TBC1D15: variants seen among roughly 807,000 people sequenced by gnomAD.
TBC1D15 encodes TBC1 domain family member 15, also known as GAP for RAB7.
In TBC1D15, 39 loss-of-function variants were observed where a neutral mutation model predicts 95.4. That is an observed-to-expected ratio of 0.41 (90% confidence interval 0.32 to 0.53). TBC1D15 has a LOEUF of 0.53. Among genes scored for constraint, TBC1D15 ranks in the 20% least tolerant of loss-of-function variants. The pLI, the probability that TBC1D15 is intolerant of heterozygous loss-of-function variation, is 0.29. For missense variants in TBC1D15, 733 were observed against 794.3 expected, an observed-to-expected ratio of 0.92 and a Z score of 0.93; for synonymous variants, 258 against 261.3, an observed-to-expected ratio of 0.99 and a Z score of 0.12.
intron 2 of TBC1D15, 149 bp from the exon 3 acceptor site, chr12:71,872,780 A>G (rs961707085): frequency 9.6e-5 from 50 of 521,994 alleles, no homozygotes; most frequent in Admixed American, 2.9e-4. Flanking sequence ...TGAAAAATCT[A>G]TGTAACATTT....
chr12:71,875,523 T>C (rs970615163), intron 3 of TBC1D15, among the ~76,000 whole-genome samples: 1 of 148,660 alleles, frequency 6.7e-6, no homozygotes, highest in African/African-American at 2.6e-5. Context: ...TATATTTAGA[T>C]TGGTGATTTT....
chr12:71,893,351 T>TTC, intron 6 of TBC1D15, 27 bp downstream of exon 6: 1 of 1,518,086 alleles, frequency 6.6e-7, no homozygotes. Context: ...TATCCTGTAT[T>TTC]ATTCTGACTG....
intron 10 of TBC1D15, among the ~76,000 whole-genome samples, chr12:71,903,416 G>A (rs1447312955): frequency 6.6e-6 from 1 of 152,306 alleles, no homozygotes; most frequent in East Asian, 1.9e-4. Flanking sequence ...TACAGTGCTG[G>A]TGGGAAAGTA....
intron 11 of TBC1D15, among the ~76,000 whole-genome samples, chr12:71,911,522 G>A (rs1490332887): frequency 6.7e-6 from 1 of 148,616 alleles, no homozygotes; most frequent in African/African-American, 2.5e-5. Flanking sequence ...CTATCGCAAG[G>A]ACAAAAAACC....
chr12:71,900,674 A>G (rs926499399), intron 10 of TBC1D15, among the ~76,000 whole-genome samples: 2 of 152,174 alleles, frequency 1.3e-5, no homozygotes, highest in East Asian at 3.9e-4. Flanking sequence ...CTTGCCCTAA[A>G]GGAGTTTTCA....
At chr12:71,892,524 G>A (rs760971597) in intron 5 of TBC1D15, among the ~76,000 whole-genome samples, 1 of 151,940 alleles carries the variant, frequency 6.6e-6, no homozygotes, top group African/African-American at 2.4e-5. Flanking sequence ...GAAATTAGAT[G>A]TCTGTTTTGG....
At chr12:71,898,054 A>G (rs1898577146) in intron 10 of TBC1D15, 113 bp downstream of exon 10, 1 of 717,474 alleles carries the variant, frequency 1.4e-6, no homozygotes, top group Non-Finnish European at 2.4e-6. Flanking sequence ...AAGAGAAATC[A>G]GAATAGGAAA....
chr12:71,858,367 C>T (rs541589449), intron 1 of TBC1D15, among the ~76,000 whole-genome samples: 33 of 151,772 alleles, frequency 2.2e-4, no homozygotes, highest in East Asian at 2.2e-3. Flanking sequence ...CCACCATGCC[C>T]GGCCACCACA....
chr12:71,875,767 C>A (rs1005853868), intron 3 of TBC1D15, among the ~76,000 whole-genome samples: 1 of 151,846 alleles, frequency 6.6e-6, no homozygotes, highest in East Asian at 1.9e-4. Context: ...TCAATATTTT[C>A]TCATAATTTT....
intron 1 of TBC1D15, among the ~76,000 whole-genome samples, chr12:71,869,578 G>A (rs1892232384): frequency 6.6e-6 from 1 of 152,094 alleles, no homozygotes. Flanking sequence ...TTAAACAGTG[G>A]TTACCACTAG....
At chr12:71,884,760 C>T (rs778472886) in intron 4 of TBC1D15, 51 bp from the exon 5 acceptor site, 21 of 1,574,316 alleles carry the variant, frequency 1.3e-5, no homozygotes, top group Admixed American at 1.7e-5. Context: ...ACTGTCAGTA[C>T]CTTTTAAAAA....
intron 10 of TBC1D15, among the ~76,000 whole-genome samples, chr12:71,902,750 G>A (rs1037481767): frequency 6.6e-5 from 10 of 152,158 alleles, no homozygotes; most frequent in African/African-American, 2.2e-4. Flanking sequence ...AAGAGCTTGT[G>A]TACAGCAAAA....
intron 1 of TBC1D15, among the ~76,000 whole-genome samples, chr12:71,845,043 G>A (rs1885957945): frequency 6.6e-6 from 1 of 152,178 alleles, no homozygotes; most frequent in East Asian, 1.9e-4. Flanking sequence ...TTTAGTAGAA[G>A]TTATTTGCAG....
intron 1 of TBC1D15, among the ~76,000 whole-genome samples, chr12:71,846,357 CT>C (rs1422502926): frequency 2.0e-5 from 3 of 151,998 alleles, no homozygotes; most frequent in African/African-American, 7.2e-5. Flanking sequence ...AACTTTCCTC[CT>C]TTTTTTTGTA....
intron 1 of TBC1D15, chr12:71,850,386 C>T: frequency 1.4e-5 from 4 of 290,366 alleles, no homozygotes; most frequent in Non-Finnish European, 1.3e-5. Flanking sequence ...GCACAGTGGG[C>T]CACCCAGCTC....
rs748074551 is a variant in TBC1D15, at chr12:71,897,845, A to G, written c.1089-2A>G. On this transcript the variant is annotated splice_acceptor_variant, in intron 9 of 16. Transcript: ENST00000485960. LOFTEE classifies it high-confidence loss of function. ...TCTTTGATGTCAAATTGTTTTCTAT[A>G]GTGATGAATACTTCAGAATGAAACT... 1 of 1,609,154 alleles carries G rather than the reference A, an allele frequency of 6.2e-7. No homozygotes were observed. The highest frequency in any genetic ancestry group is 2.2e-5 in the East Asian group (1 of 44,660).
chr12:71,906,912 G>A, intron 10 of TBC1D15, 110 bp from the exon 11 acceptor site: 1 of 529,164 alleles, frequency 1.9e-6, no homozygotes, highest in Non-Finnish European at 3.2e-6. Context: ...AGTAAAGCTT[G>A]GTGAGTGAAA....
chr12:71,908,103 G>A (rs1434002176), intron 11 of TBC1D15: 1 of 152,388 alleles, frequency 6.6e-6, no homozygotes, highest in East Asian at 1.9e-4. Flanking sequence ...CCTGGGAGGT[G>A]GAGGTTGCAG....
chr12:71,899,629 C>CT (rs1234533647), intron 10 of TBC1D15, among the ~76,000 whole-genome samples: 1 of 152,130 alleles, frequency 6.6e-6, no homozygotes, highest in African/African-American at 2.4e-5. Context: ...TTGGATTTTA[C>CT]TTTAAGTATG....
Sources: gnomAD v4.1 joint callset for allele counts (sites outside exome capture counted in the v4.1 genomes callset) on GRCh38, gnomAD v4.1.1 for gene constraint, MANE v1.5 for transcripts, NCBI Gene and HGNC (gene_info 2026-07-23, HGNC 2026-07-21) for gene names.